Variants in KCNA6 observed in about 807,000 individuals in gnomAD.
KCNA6 encodes the protein potassium voltage-gated channel subfamily A member 6, also known as human brain potassium channel-2.
KCNA6 carries 17 observed loss-of-function variants against 29.5 expected under a neutral mutation model. The observed-to-expected ratio is 0.58, with a 90% CI of 0.39 to 0.86. The LOEUF is 0.86. KCNA6 is among the 40% of genes least tolerant of loss of function. The pLI is 0.00. For missense variants in KCNA6, 450 were observed against 703.4 expected, an observed-to-expected ratio of 0.64 and a Z score of 4.07; for synonymous variants, 296 against 304.7, an observed-to-expected ratio of 0.97 and a Z score of 0.30.
downstream of KCNA6, among the ~76,000 whole-genome samples, chr12:4,815,169 C>A (rs1243372683): frequency 6.6e-6 from 1 of 152,084 alleles, no homozygotes; most frequent in Non-Finnish European, 1.5e-5. Context: ...TCCTGCTTAT[C>A]TTTCTCCCTC....
At chr12:4,847,543 T>C in the KCNA6 span, among the ~76,000 whole-genome samples, 1 of 152,162 alleles carries the variant, frequency 6.6e-6, no homozygotes, top group South Asian at 2.1e-4. Context: ...ATTTTTAATT[T>C]CCAAAGAATT....
the KCNA6 span, among the ~76,000 whole-genome samples, chr12:4,847,356 C>G: frequency 6.6e-6 from 1 of 152,046 alleles, no homozygotes; most frequent in East Asian, 1.9e-4. Flanking sequence ...AAAACTATTT[C>G]TTTAATAATA....
chr12:4,843,464 G>A, the KCNA6 span, among the ~76,000 whole-genome samples: 1 of 152,200 alleles, frequency 6.6e-6, no homozygotes, highest in Non-Finnish European at 1.5e-5. Flanking sequence ...ACAGGCGTGA[G>A]CCACTGCGCC....
chr12:4,842,458 A>G, the KCNA6 span: 1 of 153,044 alleles, frequency 6.5e-6, no homozygotes, highest in Non-Finnish European at 1.5e-5. Flanking sequence ...ACACTGCTAT[A>G]AAGAGCTATC....
Position 4,813,142 on chromosome 12 carries a change from T to C in KCNA6, c.*1511T>C, listed in dbSNP as rs116906173. The C allele has an allele frequency of 4.8e-5, 8 of 167,112 alleles. No individual in the cohort carries two copies. In the East Asian group the frequency reaches 1.5e-3, roughly 32 times the overall value. The allele number at this position is 167,112 out of a possible 1,614,324, so 10.4% of individuals were successfully genotyped here. ...TGATGATAATTTTTTTTTTAAAAAT[T>C]ATTCTCTCGAAGAGCAACTTACGAG... On this transcript the variant is annotated 3_prime_UTR_variant, in exon 1 of 1. Transcript: ENST00000280684.
downstream of KCNA6, among the ~76,000 whole-genome samples, chr12:4,817,975 G>A (rs946717876): frequency 2.6e-5 from 4 of 152,206 alleles, no homozygotes; most frequent in African/African-American, 4.8e-5. Context: ...GTCTGCTGGC[G>A]CTGCTATTTT....
At chr12:4,827,423 T>C in the KCNA6 span, among the ~76,000 whole-genome samples, 2 of 152,122 alleles carry the variant, frequency 1.3e-5, no homozygotes, top group African/African-American at 4.8e-5. Context: ...ATGGGGAAAA[T>C]GCTGGGCAAG....
At chr12:4,848,239 C>T in the KCNA6 span, among the ~76,000 whole-genome samples, 1 of 76,978 alleles carries the variant, frequency 1.3e-5, no homozygotes, top group East Asian at 2.0e-4. Context: ...TGCCCCTCAA[C>T]CCTGCTTCTG....
downstream of KCNA6, among the ~76,000 whole-genome samples, chr12:4,817,213 A>C (rs115169224): frequency 3.9e-3 from 598 of 152,318 alleles, 6 homozygotes; most frequent in African/African-American, 0.013. Context: ...AGGTGGTAGG[A>C]GTTCCTCTCT....
chr12:4,809,930 G>A (rs1239337192), exon 1 of KCNA6: 2 of 1,276,842 alleles, frequency 1.6e-6, no homozygotes, highest in African/African-American at 1.5e-5. Context: ...CGGGAGGAGC[G>A]CGGGCCCCAC....
In KCNA6 at chr12:4,810,555, C is replaced by G; in HGVS notation, c.514C>G (p.Pro172Ala). 1 of 1,614,180 alleles carries G rather than the reference C, an allele frequency of 6.2e-7. No homozygotes were observed. The highest frequency in any genetic ancestry group is 8.5e-7 in the Non-Finnish European group (1 of 1,180,040). ...CTTTGAGTACCCAGAGAGCTCTGGG[C>G]CGGCCAGGGGCATCGCCATCGTCTC... The change falls in exon 1 of 1, where the codon CCG becomes GCG. Residue 172 changes from proline to alanine, a missense_variant. Physicochemically the swap from Pro to Ala is conservative, Grantham distance 27. This residue lies in a region of KCNA6 where 133 missense variants were observed against 217.5 expected (regional missense o/e 0.61). Coordinates refer to ENST00000280684, the Ensembl canonical transcript of KCNA6. The surrounding 1 kb of genome is among the most constrained non-coding windows in gnomAD (Gnocchi z 7.5).
chr12:4,811,548 G>A lies in KCNA6; in HGVS notation c.1507G>A (p.Glu503Lys), dbSNP rs201895638. Residue 503 changes from glutamate to lysine, a missense_variant, in exon 1 of 1, where the codon GAG (glutamate) becomes AAG (lysine). Physicochemically the swap from Glu to Lys is moderately conservative, Grantham distance 56. Coordinates refer to ENST00000280684, the Ensembl canonical transcript of KCNA6. The surrounding 1 kb of genome is among the most constrained non-coding windows in gnomAD (Gnocchi z 7.1). Reference sequence around the variant, plus strand: ...CGGACTTGGCAAGCCTGACTTCCCCGAGGCTAACCGGGAACGGAGACCCAG... The same window carrying A: ...CGGACTTGGCAAGCCTGACTTCCCCAAGGCTAACCGGGAACGGAGACCCAG... 6.2e-7 allele frequency: 1 copy of A among 1,614,200 alleles called. No homozygotes were observed. The highest frequency in any genetic ancestry group is 1.7e-5 in the Admixed American group (1 of 60,026).
At chr12:4,846,357 G>A in the KCNA6 span, among the ~76,000 whole-genome samples, 7 of 151,994 alleles carry the variant, frequency 4.6e-5, no homozygotes, top group Admixed American at 6.6e-5. Context: ...ACTGCCCACC[G>A]TTACTCTCCA....
At chr12:4,812,078 GA>G (rs1407721475) in exon 1 of KCNA6, 1 of 181,638 alleles carries the variant, frequency 5.5e-6, no homozygotes, top group African/African-American at 2.4e-5. Flanking sequence ...GTAACTGGAA[GA>G]AGCTGGAGGA....
At chr12:4,840,654 C>G in the KCNA6 span, among the ~76,000 whole-genome samples, 1 of 152,198 alleles carries the variant, frequency 6.6e-6, no homozygotes, top group Non-Finnish European at 1.5e-5. Flanking sequence ...TCTGTTGAGC[C>G]TAACTCCAAT....
the KCNA6 span, among the ~76,000 whole-genome samples, chr12:4,828,733 G>T: frequency 6.6e-6 from 1 of 152,178 alleles, no homozygotes; most frequent in African/African-American, 2.4e-5. Flanking sequence ...CACACAGCCA[G>T]TAAGTGGGGT....
At chr12:4,849,826 A>G in the KCNA6 span, among the ~76,000 whole-genome samples, 1 of 152,238 alleles carries the variant, frequency 6.6e-6, no homozygotes, top group Non-Finnish European at 1.5e-5. Context: ...TTTCCAAAGC[A>G]GTTTCACAAA....
the KCNA6 span, among the ~76,000 whole-genome samples, chr12:4,844,267 TA>T: frequency 6.6e-6 from 1 of 152,174 alleles, no homozygotes; most frequent in Admixed American, 6.5e-5. The surrounding 1 kb of genome is among the most constrained non-coding windows in gnomAD (Gnocchi z 4.0). Context: ...AGCAAATGTT[TA>T]AATAAAATAT....
chr12:4,813,523 T>C (rs1417073613), downstream of KCNA6: 1 of 167,110 alleles, frequency 6.0e-6, no homozygotes. Flanking sequence ...CTCCTTGGCC[T>C]CTTGGACTGA....
Sources: gnomAD v4.1 joint callset for allele counts (sites outside exome capture counted in the v4.1 genomes callset) on GRCh38, gnomAD v4.1.1 for gene constraint, gnomAD v4.1.1 regional missense constraint, Gnocchi (gnomAD v3.1) non-coding constraint, MANE v1.5 for transcripts, NCBI Gene and HGNC (gene_info 2026-07-23, HGNC 2026-07-21) for gene names.